The following FGF1 variants were observed in gnomAD, a reference collection of about 807,000 sequenced individuals.
FGF1 encodes beta-endothelial cell growth factor.
FGF1 carries 9 observed loss-of-function variants against 13.4 expected under a neutral mutation model. The observed-to-expected ratio is 0.67, with a 90% CI of 0.40 to 1.17. The LOEUF (loss-of-function observed/expected upper bound fraction) is 1.17, where lower values mean the gene tolerates loss of function less well. Ranked by LOEUF, FGF1 falls within the 50% of genes most tolerant of loss-of-function variation. The pLI, the probability that FGF1 is intolerant of heterozygous loss-of-function variation, is 0.01. For missense variants in FGF1, 156 were observed against 192.7 expected, an observed-to-expected ratio of 0.81 and a Z score of 1.13; for synonymous variants, 93 against 79.0, an observed-to-expected ratio of 1.18 and a Z score of -0.94.
At chr5:142,600,146 G>A (rs17217394) in intron 3 of FGF1, among the ~76,000 whole-genome samples, 3 of 152,164 alleles carry the variant, frequency 2.0e-5, no homozygotes, top group African/African-American at 4.8e-5. Context: ...GAGGCCGCTC[G>A]AGCCCAGGAG....
intron 1 of FGF1, among the ~76,000 whole-genome samples, chr5:142,640,064 G>T (rs1451608573): frequency 6.6e-6 from 1 of 151,820 alleles, no homozygotes; most frequent in Non-Finnish European, 1.5e-5. Context: ...GAGTATTTTT[G>T]ATTAAGTCAC....
intron 2 of FGF1, among the ~76,000 whole-genome samples, chr5:142,695,597 A>AAAG (rs1752988259): frequency 6.6e-6 from 1 of 151,706 alleles, no homozygotes; most frequent in African/African-American, 2.4e-5. Context: ...GAAAAAAAAA[A>AAAG]AAAGAAAGAA....
intron 2 of FGF1, among the ~76,000 whole-genome samples, chr5:142,606,813 G>A (rs1182126452): frequency 6.6e-6 from 1 of 152,144 alleles, no homozygotes; most frequent in East Asian, 1.9e-4. Flanking sequence ...TTTATAAACA[G>A]TTCTGAGGTA....
rs773671222 is a variant in FGF1 at position 142,600,771 on chromosome 5, C to G, written c.204G>C (p.Glu68Asp). The change falls in exon 3 of 4, where the codon GAG (glutamate) becomes GAC (aspartate). Residue 68 changes from glutamate to aspartate, a missense_variant. Physicochemically the swap from Glu to Asp is conservative, Grantham distance 45 (BLOSUM62 2). Coordinates refer to ENST00000337706, the MANE Select transcript of FGF1 (RefSeq NM_000800.5). ...CAGTCTCGGTACTCTTTATATACAC[C>G]TCCCCCACGCTTTCCGCACTGAGCT... Reference protein sequence around the residue: ...QLQLSAESVGEVYIKSTETGQ... With the variant: ...QLQLSAESVGDVYIKSTETGQ... 3 of 1,613,692 alleles carry G rather than the reference C, an allele frequency of 1.9e-6. No homozygotes were observed. In the Admixed American group the frequency reaches 5.0e-5, roughly 27 times the overall value.
At chr5:142,626,153 T>C (rs1407811278) in intron 1 of FGF1, among the ~76,000 whole-genome samples, 1 of 139,054 alleles carries the variant, frequency 7.2e-6, no homozygotes, top group Admixed American at 7.4e-5. Flanking sequence ...TAGGAAAGTA[T>C]TTTTGTTTTT....
intron 1 of FGF1, among the ~76,000 whole-genome samples, chr5:142,671,553 G>C (rs528537562): frequency 1.2e-4 from 19 of 152,352 alleles, no homozygotes; most frequent in African/African-American, 4.1e-4. Flanking sequence ...TCGTAAGGAA[G>C]AGAAAAAGAG....
At chr5:142,623,376 G>A (rs893928185) in intron 1 of FGF1, among the ~76,000 whole-genome samples, 6 of 149,032 alleles carry the variant, frequency 4.0e-5, no homozygotes, top group East Asian at 2.0e-4. Flanking sequence ...ACAGAGTCTC[G>A]TTCTGTCGCC....
intron 1 of FGF1, among the ~76,000 whole-genome samples, chr5:142,637,064 GTATGGGC>G (rs1227025040): frequency 2.6e-5 from 4 of 151,978 alleles, no homozygotes; most frequent in Non-Finnish European, 5.9e-5. Context: ...GTATATGTGG[GTATGGGC>G]TAAATGCTGT....
intron 2 of FGF1, among the ~76,000 whole-genome samples, chr5:142,601,424 C>T (rs190720981): frequency 1.1e-4 from 17 of 152,206 alleles, no homozygotes; most frequent in East Asian, 3.9e-4. Flanking sequence ...ATGAAGTTTC[C>T]GTCAATCCCT....
At chr5:142,689,841 G>C (rs576625095), upstream of FGF1, among the ~76,000 whole-genome samples, 1 of 150,744 alleles carries the variant, frequency 6.6e-6, no homozygotes, top group African/African-American at 2.4e-5. Context: ...TGGGACTACA[G>C]GCGCCCGCTA....
rs17096367 is a variant in FGF1 at position 142,614,190 on chromosome 5, G to C, written c.-34-29C>G. 5,106 of 1,569,208 alleles carry C rather than the reference G, an allele frequency of 3.3e-3. 137 individuals carry two copies. In the African/African-American group the frequency reaches 0.058, roughly 18 times the overall value. ...TAAGAAATTGAACAAACCTGTAGTC[G>C]GTTCTTCCAGCAAAGGCACAAAATG... On this transcript the variant is annotated intron_variant, in intron 1 of 3. Transcript: ENST00000337706.
chr5:142,644,413 C>T (rs1308868730), intron 1 of FGF1: 4 of 152,050 alleles, frequency 2.6e-5, no homozygotes, highest in South Asian at 2.1e-4. Flanking sequence ...GAAAGTTACA[C>T]CCGCCCCCTC....
intron 2 of FGF1, among the ~76,000 whole-genome samples, chr5:142,601,764 A>G (rs1419693062): frequency 1.3e-5 from 2 of 152,162 alleles, no homozygotes; most frequent in Admixed American, 6.5e-5. Context: ...GATGGAGGGA[A>G]AGGACTATGA....
chr5:142,689,402 T>C (rs996019007), upstream of FGF1, among the ~76,000 whole-genome samples: 6 of 152,270 alleles, frequency 3.9e-5, no homozygotes, highest in Middle Eastern at 3.4e-3. Context: ...CAATGGGAAA[T>C]GCAGCAGACA....
intron 1 of FGF1, among the ~76,000 whole-genome samples, chr5:142,662,444 A>T (rs1251715099): frequency 6.6e-6 from 1 of 152,200 alleles, no homozygotes; most frequent in Non-Finnish European, 1.5e-5. Context: ...ATGATTTTTG[A>T]ATGGTCATTT....
chr5:142,681,122 C>T (rs1003219110), intron 1 of FGF1, among the ~76,000 whole-genome samples: 1 of 152,236 alleles, frequency 6.6e-6, no homozygotes. Context: ...CACCTGTTCT[C>T]ATCACCAACA....
chr5:142,697,595 G>C (rs1431802494), intron 2 of FGF1: 6 of 152,300 alleles, frequency 3.9e-5, no homozygotes, highest in Admixed American at 3.9e-4. Flanking sequence ...AGCAATCTGA[G>C]CCCTTTGCAG....
At chr5:142,664,343 G>A (rs1374738604) in intron 1 of FGF1, among the ~76,000 whole-genome samples, 1 of 152,196 alleles carries the variant, frequency 6.6e-6, no homozygotes, top group East Asian at 1.9e-4. Flanking sequence ...AGGCTCTGCG[G>A]CTCCCTAGCG....
chr5:142,617,761 G>C (rs1760565539), intron 1 of FGF1, among the ~76,000 whole-genome samples: 1 of 152,032 alleles, frequency 6.6e-6, no homozygotes, highest in African/African-American at 2.4e-5. Context: ...ATCCCTTTTT[G>C]TTGCTAAAGG....
Sources: allele counts gnomAD v4.1 joint callset (sites outside exome capture counted in the v4.1 genomes callset), GRCh38; gene constraint gnomAD v4.1.1; transcripts MANE v1.5; gene names NCBI Gene and HGNC (gene_info 2026-07-23, HGNC 2026-07-21).